HAL: variants seen among roughly 807,000 people sequenced by gnomAD.
HAL encodes the protein histidine ammonia-lyase, also known as histidase.
HAL carries 85 observed loss-of-function variants against 81.1 expected under a neutral mutation model. The observed-to-expected ratio is 1.05, with a 90% CI of 0.88 to 1.25. The LOEUF (loss-of-function observed/expected upper bound fraction) is 1.25. HAL is among the 50% of genes most tolerant of loss of function. HAL has a pLI of 0.00. For synonymous variants in HAL, 301 were observed against 309.2 expected (o/e 0.97, Z 0.28); for missense variants, 798 against 836.6 (o/e 0.95, Z 0.57).
intron 11 of HAL, 67 bp from the exon 12 acceptor site, chr12:95,987,281 T>C (rs1486626354): frequency 1.1e-5 from 15 of 1,355,604 alleles, no homozygotes; most frequent in Non-Finnish European, 1.5e-5. Context: ...CCGTGGATTT[T>C]GTATCTTTTG....
chr12:95,982,079 A>G (rs2080801585), intron 15 of HAL, among the ~76,000 whole-genome samples: 1 of 152,216 alleles, frequency 6.6e-6, no homozygotes, highest in African/African-American at 2.4e-5. Flanking sequence ...GGAATTCTGC[A>G]TCAATTTAGA....
intron 4 of HAL, 58 bp downstream of exon 4, chr12:95,994,740 C>T (rs1592852342): frequency 1.3e-6 from 2 of 1,527,078 alleles, no homozygotes; most frequent in Admixed American, 1.7e-5. Flanking sequence ...TGGCTTTCCT[C>T]CCTCTTAAAT....
intron 14 of HAL, among the ~76,000 whole-genome samples, chr12:95,985,464 C>T (rs1949869914): frequency 6.6e-6 from 1 of 151,944 alleles, no homozygotes; most frequent in African/African-American, 2.4e-5. Flanking sequence ...GTGGCACATG[C>T]CTGTAATCCC....
intron 17 of HAL, among the ~76,000 whole-genome samples, chr12:95,979,601 A>C (rs1372466737): frequency 6.6e-6 from 1 of 152,220 alleles, no homozygotes; most frequent in East Asian, 1.9e-4. Context: ...TGTTAGATAA[A>C]GTAAAGGATG....
In HAL at chr12:95,983,951, T is replaced by C. The variant is rs1434997844; in HGVS notation, c.1247A>G (p.Asn416Ser). The C allele has an allele frequency of 1.3e-6, 2 of 1,590,378 alleles. No homozygotes were observed. Among genetic ancestry groups the C allele is most frequent in the East Asian group, 4.5e-5 (2 of 44,760 alleles). The change falls in exon 15 of 21, where the codon AAC (asparagine) becomes AGC (serine). Residue 416 changes from asparagine (N) to serine (S), a missense_variant. Transcript: ENST00000261208. Reference protein sequence around the residue: ...VVNDTIAFVKNIITTELNSAT... With the variant: ...VVNDTIAFVKSIITTELNSAT... ...GCTGTTCAGTTCTGTGGTAATGATGTTCTTCACAAATGCTATTGTATCATT... is the reference window on the plus strand; with the variant it reads ...GCTGTTCAGTTCTGTGGTAATGATGCTCTTCACAAATGCTATTGTATCATT...
In HAL at chr12:95,987,271, C is replaced by A. The variant is rs1565990947; in HGVS notation, c.904-57G>T. 10 of 1,442,624 alleles carry A rather than the reference C, an allele frequency of 6.9e-6. No homozygotes were observed. In the Admixed American group the frequency reaches 1.7e-4, roughly 24 times the overall value. 89.4% of individuals were successfully genotyped at this position (1,442,624 alleles called of 1,614,324 possible). A position where few individuals can be genotyped will look rare whatever the true frequency, so the allele number is the denominator to read the frequency against. On this transcript the variant is annotated intron_variant, in intron 11 of 20. Transcript: ENST00000261208. ...TGATTATTGTAACGAACCTACATAC[C>A]CGTGGATTTTGTATCTTTTGCTTTC...
chr12:95,992,928 G>T, intron 8 of HAL, 123 bp from the exon 9 acceptor site: 2 of 861,954 alleles, frequency 2.3e-6, no homozygotes, highest in South Asian at 1.3e-5. Flanking sequence ...TTCTCCTCTC[G>T]GCTCAGGTAG....
At chr12:95,974,494 G>T in intron 20 of HAL, 122 bp from the exon 21 acceptor site, 1 of 873,340 alleles carries the variant, frequency 1.1e-6, no homozygotes, top group Non-Finnish European at 1.9e-6. Flanking sequence ...GCTGCTGTTT[G>T]CTTGCTTTTA....
chr12:95,978,047 C>T lies in HAL; in HGVS notation c.1551G>A (p.Ser517=), dbSNP rs574151029. The T allele has an allele frequency of 5.5e-5, 88 of 1,613,706 alleles. No homozygotes were observed. The highest frequency in any genetic ancestry group is 3.6e-4 in the East Asian group (16 of 44,886). Residue 517 remains serine (S), a synonymous_variant, in exon 18 of 21, where the codon TCG becomes TCA. Coordinates refer to ENST00000261208, the MANE Select transcript of HAL (RefSeq NM_002108.4). The part of the protein sequence containing the change: ...VSENKALCHP[S]SVDSLSTSAA... ...CGCTGGTGGAGAGGGAGTCAACAGA[C>T]GAGGGATGGCACAGAGCCTTGTTCT...
chr12:95,989,091 A>C (rs1009984526), intron 10 of HAL, among the ~76,000 whole-genome samples: 2 of 152,204 alleles, frequency 1.3e-5, no homozygotes, highest in African/African-American at 4.8e-5. Context: ...GTGGAAAACA[A>C]TCATTTGCTA....
chr12:95,980,802 G>A lies in HAL; in HGVS notation c.1349C>T (p.Ala450Val), dbSNP rs1372652795. ...GAGCAGTTTTAAAAAGCTTACTTTG[G>A]CTGGGTATTCACCATGGAAGTTTCC... ...SGGNFHGEYP[A>V]KALDYLAIGI... Residue 450 changes from alanine to valine, a missense_variant, in exon 16 of 21, where the codon GCC becomes GTC. By Grantham distance (64) the Ala-to-Val change is moderately conservative. Transcript: ENST00000261208. The A allele has an allele frequency of 6.3e-7, 1 of 1,593,830 alleles. No individual in the cohort carries two copies. Among genetic ancestry groups the A allele is most frequent in the Non-Finnish European group, 8.6e-7 (1 of 1,161,710 alleles).
intron 4 of HAL, 89 bp downstream of exon 4, chr12:95,994,707 CAG>C: frequency 8.1e-7 from 1 of 1,240,832 alleles, no homozygotes; most frequent in Non-Finnish European, 1.2e-6. Flanking sequence ...TTCTAATTGA[CAG>C]TGTTTTCTCA....
In HAL at chr12:95,996,110, G is replaced by C. The variant is rs956290433; in HGVS notation, c.-114C>G. 3 of 612,438 alleles carry C rather than the reference G, an allele frequency of 4.9e-6. No individual in the cohort carries two copies. The highest frequency in any genetic ancestry group is 8.9e-6 in the Non-Finnish European group (3 of 338,338). 37.9% of individuals were successfully genotyped at this position (612,438 alleles called of 1,614,324 possible). A position where few individuals can be genotyped will look rare whatever the true frequency, so the allele number is the denominator to read the frequency against. ...CCCTTTGGTTTTTGTAGCCGAGCAG[G>C]GGCAGGAGCAGGGGATGCAGACGGG... On this transcript the variant is annotated 5_prime_UTR_variant, in exon 1 of 21. Transcript: ENST00000261208.
rs555781265 is a variant in HAL at position 95,995,635 on chromosome 12, G to A, written c.247+29C>T. The A allele has an allele frequency of 9.3e-6, 15 of 1,611,504 alleles. No individual in the cohort carries two copies. In the South Asian group the frequency reaches 9.9e-5, roughly 11 times the overall value. On this transcript the variant is annotated intron_variant, in intron 2 of 20. Coordinates refer to ENST00000261208, the MANE Select transcript of HAL (RefSeq NM_002108.4). ...GACTAAGCCAGGCCAAACCGCACCC[G>A]TTCGCGGCCCTCTCCTGCAGCCACT...
In HAL at chr12:95,994,144, G is replaced by A. The variant is rs1440136549; in HGVS notation, c.357C>T (p.Asp119=). The A allele has an allele frequency of 6.2e-7, 1 of 1,612,556 alleles. No homozygotes were observed. Among genetic ancestry groups the A allele is most frequent in the Non-Finnish European group, 8.5e-7 (1 of 1,178,728 alleles). The change falls in exon 5 of 21, where the codon GAC becomes GAT. Residue 119 remains aspartate (D), a synonymous_variant. Transcript: ENST00000261208. ...EPEKYIELDG[D]RLTTEDLVNL... ...TGACCAGATCCTCCGTGGTCAGACG[G>A]TCTCCATCTAACTCGATGTACTACA...
intron 20 of HAL, 81 bp from the exon 21 acceptor site, chr12:95,974,453 TCAAA>T (rs2080691595): frequency 2.8e-5 from 35 of 1,261,776 alleles, no homozygotes; most frequent in Non-Finnish European, 3.8e-5. Context: ...TCATCCGAAG[TCAAA>T]ACATACTCTA....
rs996847089 is a variant in HAL, at chr12:95,996,084, T to C, written c.-88A>G. On this transcript the variant is annotated 5_prime_UTR_variant, in exon 1 of 21. Coordinates refer to ENST00000261208, the MANE Select transcript of HAL (RefSeq NM_002108.4). ...CAAATATTTATTGAGGTACCTGCTG[T>C]CCCTTTGGTTTTTGTAGCCGAGCAG... 2 of 695,502 alleles carry C rather than the reference T, an allele frequency of 2.9e-6. No homozygotes were observed. Among genetic ancestry groups the C allele is most frequent in the African/African-American group, 3.5e-5 (2 of 56,836 alleles). 43.1% of individuals were successfully genotyped at this position (695,502 alleles called of 1,614,324 possible).
rs2080684594 is a variant in HAL at position 95,973,934 on chromosome 12, C to A, written c.*298G>T. On this transcript the variant is annotated 3_prime_UTR_variant, in exon 21 of 21. Transcript: ENST00000261208. ...GCTAAGAGTAAAAAACAGGCACATA[C>A]AATTGTGGTTATTCTTCTCACCCTT... The A allele has an allele frequency of 5.7e-6, 2 of 353,298 alleles. No individual in the cohort carries two copies. The highest frequency in any genetic ancestry group is 1.0e-5 in the Non-Finnish European group (2 of 192,382). 21.9% of individuals were successfully genotyped at this position (353,298 alleles called of 1,614,324 possible). A position where few individuals can be genotyped will look rare whatever the true frequency, so the allele number is the denominator to read the frequency against.
At chr12:95,974,429 A>G in intron 20 of HAL, 57 bp from the exon 21 acceptor site, 1 of 1,490,938 alleles carries the variant, frequency 6.7e-7, no homozygotes, top group Admixed American at 1.7e-5. Flanking sequence ...TCCACATGCT[A>G]TTAAACATCA....
Sources: gnomAD v4.1 joint callset for allele counts (sites outside exome capture counted in the v4.1 genomes callset) on GRCh38, gnomAD v4.1.1 for gene constraint, MANE v1.5 for transcripts, NCBI Gene and HGNC (gene_info 2026-07-23, HGNC 2026-07-21) for gene names.